The following MTFR1L variants were observed in gnomAD, a reference collection of about 807,000 sequenced individuals.
MTFR1L encodes the protein mitochondrial fission regulator 1 like, also known as mitochondrial fission regulator 1-like.
In MTFR1L, 10 loss-of-function variants were observed where a neutral mutation model predicts 27.9. The observed-to-expected ratio is 0.36, with a 90% confidence interval of 0.22 to 0.61. The LOEUF (loss-of-function observed/expected upper bound fraction) is 0.61. Ranked by LOEUF, MTFR1L falls within the 20% of genes least tolerant of loss-of-function variation. MTFR1L has a pLI of 0.73. For missense variants in MTFR1L, 315 were observed against 363.7 expected, an observed-to-expected ratio of 0.87 and a Z score of 1.09; for synonymous variants, 151 against 139.4, an observed-to-expected ratio of 1.08 and a Z score of -0.58.
At position 25,826,381 on chromosome 1, in the gene MTFR1L, C is replaced by T. The variant is rs752491963; in HGVS notation, c.209C>T (p.Ala70Val). 2.2e-5 allele frequency: 36 copies of T among 1,613,980 alleles called. No individual in the cohort carries two copies. The highest frequency in any genetic ancestry group is 3.0e-5 in the Non-Finnish European group (35 of 1,180,018). The change falls in exon 4 of 7, where the codon GCG (alanine) becomes GTG (valine). Residue 70 changes from alanine to valine, a missense_variant. By Grantham distance (64) the Ala-to-Val change is moderately conservative. Coordinates refer to ENST00000374303, the MANE Select transcript of MTFR1L (RefSeq NM_001099625.2). This position sits in a 1 kb window ranked among gnomAD's most constrained non-coding sequence, Gnocchi z 4.1. ...CTGGCTGACATCGCCTGGATTGCTG[C>T]GGATGAAGAGGAGACATATGCCCGG... ...PTLADIAWIA[A>V]DEEETYARVR... is the part of the protein sequence containing the mutation.
Position 25,826,873 on chromosome 1 carries a change from C to T in MTFR1L, c.451+47C>T, listed in dbSNP as rs1272274925. ...CCAGAACGTAACAGGCTGTTCCTTTCCCCTGGCTCTTGGGCAGGATAGGGG... is the reference window on the plus strand; with the variant it reads ...CCAGAACGTAACAGGCTGTTCCTTTTCCCTGGCTCTTGGGCAGGATAGGGG... On this transcript the variant is annotated intron_variant, in intron 5 of 6. Transcript: ENST00000374303. This position sits in a 1 kb window ranked among gnomAD's most constrained non-coding sequence, Gnocchi z 4.1. 3 of 1,594,520 alleles carry T rather than the reference C, an allele frequency of 1.9e-6. No individual in the cohort carries two copies. Among genetic ancestry groups the T allele is most frequent in the Admixed American group, 1.7e-5 (1 of 58,228 alleles).
chr1:25,831,550 A>G (rs1476756317), intron 6 of MTFR1L, among the ~76,000 whole-genome samples: 1 of 152,238 alleles, frequency 6.6e-6, no homozygotes, highest in Non-Finnish European at 1.5e-5. Flanking sequence ...GGGAAATGCT[A>G]CTAAGAAAAC....
At chr1:25,829,897 C>A in intron 6 of MTFR1L, 67 bp downstream of exon 6, 1 of 1,304,878 alleles carries the variant, frequency 7.7e-7, no homozygotes, top group Non-Finnish European at 1.0e-6. Flanking sequence ...TTATGTAATG[C>A]AACATACTTA....
At chr1:25,829,476 A>G (rs570249240) in intron 5 of MTFR1L, 33 bp from the exon 6 acceptor site, 87 of 1,587,552 alleles carry the variant, frequency 5.5e-5, no homozygotes, top group Middle Eastern at 1.7e-4. Flanking sequence ...TCTAGCCCCA[A>G]TGTCCACCCA....
At chr1:25,820,828 C>G (rs1572243447) in intron 1 of MTFR1L, 1 of 398,174 alleles carries the variant, frequency 2.5e-6, no homozygotes, top group Admixed American at 3.5e-5. Context: ...GCGGGGATCA[C>G]AGTTATCTAG....
intron 1 of MTFR1L, chr1:25,821,949 C>CACCGTACCCA (rs1266424022): frequency 6.6e-6 from 1 of 152,246 alleles, no homozygotes; most frequent in Non-Finnish European, 1.5e-5. Context: ...CAGCACAAGG[C>CACCGTACCCA]CTGGCACAAG....
In MTFR1L at chr1:25,829,667, C is replaced by T; in HGVS notation, c.610C>T (p.Pro204Ser). 1.9e-6 allele frequency: 3 copies of T among 1,614,130 alleles called. No individual in the cohort carries two copies. ...EVEVPELPSV[P>S]LLCSASPECC... ...GGAGGTCCCTGAGCTTCCATCAGTC[C>T]CCCTGCTTTGTTCTGCCAGCCCTGA... The change falls in exon 6 of 7, where the codon CCC (proline) becomes TCC (serine). Residue 204 changes from proline to serine, a missense_variant. By Grantham distance (74) the Pro-to-Ser change is moderately conservative. Transcript: ENST00000374303.
chr1:25,827,786 C>T (rs1467701437), intron 5 of MTFR1L, among the ~76,000 whole-genome samples: 1 of 152,042 alleles, frequency 6.6e-6, no homozygotes, highest in Non-Finnish European at 1.5e-5. Flanking sequence ...AGTGCGGTGG[C>T]ACGATCTTGG....
chr1:25,832,395 C>T lies in MTFR1L; in HGVS notation c.*369C>T, dbSNP rs2048257243. 4 of 461,446 alleles carry T rather than the reference C, an allele frequency of 8.7e-6. No individual in the cohort carries two copies. Among genetic ancestry groups the T allele is most frequent in the Admixed American group, 4.5e-5 (1 of 22,080 alleles). 28.6% of individuals were successfully genotyped at this position (461,446 alleles called of 1,614,324 possible). A position where few individuals can be genotyped will look rare whatever the true frequency, so the allele number is the denominator to read the frequency against. On this transcript the variant is annotated 3_prime_UTR_variant, in exon 7 of 7. Coordinates refer to ENST00000374303, the MANE Select transcript of MTFR1L (RefSeq NM_001099625.2). ...AGCTGGTCTCACAAGACACTTTGTG[C>T]CCAGCTGTCACTCACTCAGCAGCTT...
chr1:25,832,224 G>C lies in MTFR1L; in HGVS notation c.*198G>C. The C allele has an allele frequency of 6.9e-7, 1 of 1,454,796 alleles. No homozygotes were observed. The highest frequency in any genetic ancestry group is 1.2e-5 in the South Asian group (1 of 82,266). The allele number at this position is 1,454,796 out of a possible 1,614,324, so 90.1% of individuals were successfully genotyped here. On this transcript the variant is annotated 3_prime_UTR_variant, in exon 7 of 7. Transcript: ENST00000374303. ...AACCCTAGCAGAAGCTAAGGCTTGT[G>C]ATTTGACCTGAGACATTTGTTTCAG... is the stretch of plus-strand genomic sequence containing the variant.
intron 1 of MTFR1L, chr1:25,820,600 TGAGGGGAC>T (rs1308731267): frequency 7.5e-6 from 3 of 397,560 alleles, no homozygotes; most frequent in African/African-American, 6.6e-5. Context: ...CCCGTTCTCC[TGAGGGGAC>T]GCCTGTCAGC....
In MTFR1L at chr1:25,831,879, C is replaced by T. The variant is rs74388471; in HGVS notation, c.774-42C>T. On this transcript the variant is annotated intron_variant, in intron 6 of 6. Transcript: ENST00000374303. ...TGTATTCAAAAGATATACAGCACTA[C>T]ACAGGAAAGAGTAAGTACTCAAGCT... is the stretch of plus-strand genomic sequence containing the variant. 107 of 1,507,930 alleles carry T rather than the reference C, an allele frequency of 7.1e-5. No homozygotes were observed. The African/African-American group carries it at 1.3e-3, about 18-fold the overall frequency. The allele number at this position is 1,507,930 out of a possible 1,614,324, so 93.4% of individuals were successfully genotyped here.
chr1:25,832,296 G>A lies in MTFR1L; in HGVS notation c.*270G>A, dbSNP rs1208508124. 3.4e-5 allele frequency: 33 copies of A among 973,840 alleles called. No homozygotes were observed. The highest frequency in any genetic ancestry group is 4.8e-5 in the Non-Finnish European group (32 of 667,346). 60.3% of individuals were successfully genotyped at this position (973,840 alleles called of 1,614,324 possible). A position where few individuals can be genotyped will look rare whatever the true frequency, so the allele number is the denominator to read the frequency against. Reference sequence around the variant, plus strand: ...TCTTAGTTTAAAGGGTAAGAGAGAAGTTGTTTCTGGTTTTTCCTTGCCCCT... The same window carrying A: ...TCTTAGTTTAAAGGGTAAGAGAGAAATTGTTTCTGGTTTTTCCTTGCCCCT... On this transcript the variant is annotated 3_prime_UTR_variant, in exon 7 of 7. Transcript: ENST00000374303.
At chr1:25,823,296 A>G (rs1031564497) in intron 2 of MTFR1L, 168 bp downstream of exon 2, 24 of 773,278 alleles carry the variant, frequency 3.1e-5, no homozygotes, top group African/African-American at 5.1e-5. Context: ...AGAACCAACT[A>G]TGATCCTGGG....
intron 6 of MTFR1L, 117 bp from the exon 7 acceptor site, chr1:25,831,804 T>C: frequency 2.2e-6 from 2 of 929,760 alleles, no homozygotes; most frequent in Non-Finnish European, 3.4e-6. Context: ...TGAAAGGGAA[T>C]TGTAATGGCA....
At chr1:25,827,874 T>C (rs1377166698) in intron 5 of MTFR1L, among the ~76,000 whole-genome samples, 1 of 151,994 alleles carries the variant, frequency 6.6e-6, no homozygotes, top group African/African-American at 2.4e-5. Context: ...TATAGGCGCA[T>C]GCCACCATGC....
chr1:25,829,482 A>G, intron 5 of MTFR1L, 27 bp from the exon 6 acceptor site: 1 of 1,599,480 alleles, frequency 6.3e-7, no homozygotes, highest in East Asian at 2.2e-5. Flanking sequence ...CCCAATGTCC[A>G]CCCATGCCTA....
At position 25,832,015 on chromosome 1, in the gene MTFR1L, A is replaced by G; in HGVS notation, c.868A>G (p.Lys290Glu). Residue 290 changes from lysine (K) to glutamate (E), a missense_variant, in exon 7 of 7, where the codon AAA (lysine) becomes GAA (glutamate). Lys to Glu is a moderately conservative substitution (Grantham distance 56). Coordinates refer to ENST00000374303, the MANE Select transcript of MTFR1L (RefSeq NM_001099625.2). ...TCTAAAGGAAGAAGATATCAGTAGAAAAGGAAATTGACAACCCTCAGCTCT... is the reference window on the plus strand; with the variant it reads ...TCTAAAGGAAGAAGATATCAGTAGAGAAGGAAATTGACAACCCTCAGCTCT... ...FALKEEDISR[K>E]GN The G allele has an allele frequency of 6.2e-7, 1 of 1,614,228 alleles. No individual in the cohort carries two copies. Among genetic ancestry groups the G allele is most frequent in the Non-Finnish European group, 8.5e-7 (1 of 1,180,046 alleles).
In MTFR1L at chr1:25,826,175, T is replaced by C. The variant is rs6598923; in HGVS notation, c.130-127T>C. The C allele has an allele frequency of 0.81, 578,775 of 714,412 alleles. 235,694 individuals carry two copies. Among genetic ancestry groups the C allele is most frequent in the East Asian group, 0.97 (35,086 of 36,130 alleles). 44.3% of individuals were successfully genotyped at this position (714,412 alleles called of 1,614,324 possible). On this transcript the variant is annotated intron_variant, in intron 3 of 6. Transcript: ENST00000374303. This position sits in a 1 kb window ranked among gnomAD's most constrained non-coding sequence, Gnocchi z 4.1. ...TCAATGTTTTCGACCAGGAACCTTCTTCTGCCCCCTCTAGGAAGCCTTCCT... is the reference window on the plus strand; with the variant it reads ...TCAATGTTTTCGACCAGGAACCTTCCTCTGCCCCCTCTAGGAAGCCTTCCT...
Sources: gnomAD v4.1 joint callset for allele counts (sites outside exome capture counted in the v4.1 genomes callset) on GRCh38, gnomAD v4.1.1 for gene constraint, Gnocchi (gnomAD v3.1) non-coding constraint, MANE v1.5 for transcripts, NCBI Gene and HGNC (gene_info 2026-07-23, HGNC 2026-07-21) for gene names.